Variants in CNTN4 observed in about 807,000 individuals in gnomAD.
CNTN4 encodes the protein contactin 4.
In CNTN4, 77 loss-of-function variants were observed where a neutral mutation model predicts 122.5. That is an observed-to-expected ratio of 0.63 (90% CI 0.52 to 0.76). CNTN4 has a LOEUF of 0.76. Among genes scored for constraint, CNTN4 ranks in the 30% least tolerant of loss-of-function variants. The pLI is 0.00. For synonymous variants in CNTN4, 512 were observed against 447.0 expected (o/e 1.15, Z -1.83); for missense variants, 1,256 against 1,259.1 (o/e 1.00, Z 0.04).
At chr3:3,042,859 C>T in intron 21 of CNTN4, 118 bp from the exon 22 acceptor site, 2 of 804,890 alleles carry the variant, frequency 2.5e-6, no homozygotes, top group Non-Finnish European at 4.2e-6. Context: ...TAGCTCTGCT[C>T]ATGATGTAGT....
At chr3:2,217,232 G>A (rs1180830393) in intron 2 of CNTN4, among the ~76,000 whole-genome samples, 2 of 152,008 alleles carry the variant, frequency 1.3e-5, no homozygotes, top group East Asian at 3.9e-4. Context: ...GTCTGCTTTT[G>A]GACTTCTGTC....
intron 3 of CNTN4, among the ~76,000 whole-genome samples, chr3:2,446,822 A>C (rs2048642945): frequency 6.6e-6 from 1 of 152,186 alleles, no homozygotes; most frequent in African/African-American, 2.4e-5. Flanking sequence ...AGGCAGGTTG[A>C]GAAAACCTCT....
intron 7 of CNTN4, among the ~76,000 whole-genome samples, chr3:2,859,928 A>AG (rs1300959663): frequency 6.6e-6 from 1 of 152,220 alleles, no homozygotes; most frequent in African/African-American, 2.4e-5. Flanking sequence ...TACATGTAAG[A>AG]GGGGGAAGTT....
Position 2,713,213 on chromosome 3 carries a change from A to G in CNTN4, c.56-23002A>G, listed in dbSNP as rs143572282. On this transcript the variant is annotated intron_variant, in intron 4 of 24. Coordinates refer to ENST00000418658, the MANE Select transcript of CNTN4 (RefSeq NM_175607.3). ...CCAGGTATATTCAAAATGATATAGAAGGACCCCCAAGTGGTATCTGCTGCA... is the reference window on the plus strand; with the variant it reads ...CCAGGTATATTCAAAATGATATAGAGGGACCCCCAAGTGGTATCTGCTGCA... Among the ~76,000 whole-genome samples, 626 of 152,218 alleles carry G rather than the reference A, an allele frequency of 4.1e-3. 6 individuals are homozygous for G. Among genetic ancestry groups the G allele is most frequent in the African/African-American group, 0.014 (585 of 41,534 alleles).
intron 4 of CNTN4, among the ~76,000 whole-genome samples, chr3:2,624,606 T>C (rs1371916206): frequency 6.6e-6 from 1 of 150,922 alleles, no homozygotes; most frequent in Non-Finnish European, 1.5e-5. Context: ...GAGTCTTGGC[T>C]CTTAATTGGA....
intron 3 of CNTN4, among the ~76,000 whole-genome samples, chr3:2,447,384 A>G (rs1023229523): frequency 3.3e-5 from 5 of 152,282 alleles, no homozygotes; most frequent in East Asian, 1.9e-4. Context: ...TTATTTGTCT[A>G]TCAATCATTA....
chr3:2,574,090 C>T (rs1337947215), intron 4 of CNTN4, among the ~76,000 whole-genome samples: 1 of 152,148 alleles, frequency 6.6e-6, no homozygotes, highest in South Asian at 2.1e-4. Flanking sequence ...GTGGTGTATG[C>T]CTGTAATCCC....
chr3:2,443,053 C>T (rs1159421244), intron 3 of CNTN4, among the ~76,000 whole-genome samples: 3 of 151,432 alleles, frequency 2.0e-5, no homozygotes, highest in Non-Finnish European at 1.5e-5. Context: ...GGCTTAATAT[C>T]TGGGTTATGA....
In CNTN4 at chr3:3,001,409, AG is replaced by A. The variant is rs1696032408; in HGVS notation, c.1486+12939del. On this transcript the variant is annotated intron_variant, in intron 14 of 24. Transcript: ENST00000418658. ...TAAGGAGTGAGTAAGAGGAAAAAAG[AG>A]GACAGGCATGTTAGGAAACATCAGG... Among the ~76,000 whole-genome samples the A allele has an allele frequency of 3.3e-5, 5 of 152,366 alleles. No homozygotes were observed. The East Asian group carries it at 7.7e-4, about 23-fold the overall frequency.
intron 2 of CNTN4, among the ~76,000 whole-genome samples, chr3:2,187,464 G>C (rs1246061955): frequency 6.6e-6 from 1 of 152,068 alleles, no homozygotes; most frequent in Non-Finnish European, 1.5e-5. Context: ...TCACCTCATA[G>C]CTCTGCTCTC....
At chr3:2,151,136 G>C (rs546393612) in intron 2 of CNTN4, among the ~76,000 whole-genome samples, 1 of 152,222 alleles carries the variant, frequency 6.6e-6, no homozygotes, top group South Asian at 2.1e-4. Context: ...TGTTGGCCGG[G>C]CTGGTCTGGA....
intron 6 of CNTN4, among the ~76,000 whole-genome samples, chr3:2,780,821 G>A (rs2091538897): frequency 6.6e-6 from 1 of 152,196 alleles, no homozygotes; most frequent in Non-Finnish European, 1.5e-5. Context: ...TTGTGATGCT[G>A]TTGGTCATAG....
chr3:2,672,613 G>A lies in CNTN4; in HGVS notation c.56-63602G>A, dbSNP rs7648011. Among the ~76,000 whole-genome samples the A allele has an allele frequency of 2.0e-5, 3 of 152,048 alleles. No individual in the cohort carries two copies. In the East Asian group the frequency reaches 5.8e-4, roughly 30 times the overall value. On this transcript the variant is annotated intron_variant, in intron 4 of 24. Coordinates refer to ENST00000418658, the MANE Select transcript of CNTN4 (RefSeq NM_175607.3). ...TCGGCTCACACTTGGTGCGCTGCACGTACTGTCTGACAATCCCCAGTGAGA... is the reference window on the plus strand; with the variant it reads ...TCGGCTCACACTTGGTGCGCTGCACATACTGTCTGACAATCCCCAGTGAGA...
Position 2,471,181 on chromosome 3 carries a change from A to G in CNTN4, c.-88-100235A>G, listed in dbSNP as rs1669862802. Among the ~76,000 whole-genome samples the G allele has an allele frequency of 3.3e-5, 5 of 152,324 alleles. No individual in the cohort carries two copies. In the South Asian group the frequency reaches 1.0e-3, roughly 32 times the overall value. ...AGTTCCCCATCACCCAGATATGTAAAGAGACTTCTCAAACTAAGTCCCAGA... is the reference window on the plus strand; with the variant it reads ...AGTTCCCCATCACCCAGATATGTAAGGAGACTTCTCAAACTAAGTCCCAGA... On this transcript the variant is annotated intron_variant, in intron 3 of 24. Coordinates refer to ENST00000418658, the MANE Select transcript of CNTN4 (RefSeq NM_175607.3).
intron 2 of CNTN4, among the ~76,000 whole-genome samples, chr3:2,217,694 A>AG: frequency 1.5e-5 from 2 of 135,166 alleles, no homozygotes; most frequent in Middle Eastern, 3.8e-3. Flanking sequence ...GAGAGAGAGA[A>AG]AAAAATCTCT....
intron 4 of CNTN4, among the ~76,000 whole-genome samples, chr3:2,668,072 C>T (rs548550126): frequency 5.3e-5 from 8 of 152,048 alleles, no homozygotes; most frequent in South Asian, 4.2e-4. Flanking sequence ...CTTGGCGATG[C>T]GGGCTCTTTT....
At chr3:2,305,189 T>G (rs1431782144) in intron 2 of CNTN4, among the ~76,000 whole-genome samples, 1 of 152,120 alleles carries the variant, frequency 6.6e-6, no homozygotes, top group African/African-American at 2.4e-5. Flanking sequence ...GTGCTAGAAA[T>G]TTCTGATTCT....
At chr3:2,514,914 C>G (rs187911192) in intron 3 of CNTN4, among the ~76,000 whole-genome samples, 1 of 151,214 alleles carries the variant, frequency 6.6e-6, no homozygotes. Context: ...TCTTCCTTCC[C>G]TTCCCTCCAT....
intron 7 of CNTN4, among the ~76,000 whole-genome samples, chr3:2,838,247 C>T (rs1443164076): frequency 6.6e-6 from 1 of 152,170 alleles, no homozygotes; most frequent in African/African-American, 2.4e-5. Flanking sequence ...CGAATGAAGG[C>T]ACCCATTAAA....
Sources: gnomAD v4.1 joint callset for allele counts (sites outside exome capture counted in the v4.1 genomes callset) on GRCh38, gnomAD v4.1.1 for gene constraint, MANE v1.5 for transcripts, NCBI Gene and HGNC (gene_info 2026-07-23, HGNC 2026-07-21) for gene names.